The following PDS5A variants were observed in gnomAD, a reference collection of about 807,000 sequenced individuals.
The protein encoded by PDS5A is sister chromatid cohesion protein PDS5 homolog A.
PDS5A carries 42 observed loss-of-function variants against 167.1 expected under a neutral mutation model. The observed-to-expected ratio is 0.25, with a 90% CI of 0.20 to 0.33. The LOEUF (loss-of-function observed/expected upper bound fraction) is 0.33. Among genes scored for constraint, PDS5A ranks in the 10% least tolerant of loss-of-function variants. PDS5A has a pLI of 1.00. For missense variants in PDS5A, 1,033 were observed against 1,605.9 expected (o/e 0.64, Z 6.10); for synonymous variants, 553 against 554.6 (o/e 1.00, Z 0.04).
chr4:39,882,907 G>A (rs1362899388), intron 17 of PDS5A, among the ~76,000 whole-genome samples: 1 of 152,086 alleles, frequency 6.6e-6, no homozygotes. Flanking sequence ...TACAACCACT[G>A]TTACAAATCT....
chr4:39,973,681 G>C (rs1249186439), intron 2 of PDS5A: 2 of 1,293,688 alleles, frequency 1.5e-6, no homozygotes, highest in East Asian at 4.6e-5. Context: ...TGTAGCTTTA[G>C]CTCAGCGCAA....
At chr4:39,861,763 G>A (rs899321560) in intron 26 of PDS5A, among the ~76,000 whole-genome samples, 1 of 152,028 alleles carries the variant, frequency 6.6e-6, no homozygotes, top group South Asian at 2.1e-4. Flanking sequence ...AAAATATTAC[G>A]TGTACCTCAT....
chr4:39,895,199 CAAAAAAAAAAAAA>C (rs34303340), intron 16 of PDS5A, among the ~76,000 whole-genome samples: 2 of 93,428 alleles, frequency 2.1e-5, no homozygotes, highest in African/African-American at 3.9e-5. Flanking sequence ...GACTCCGTCT[CAAAAAAAAAAAAA>C]AAAAAAAAAA....
At chr4:39,922,587 A>G (rs1383341011) in intron 6 of PDS5A, 35 bp downstream of exon 6, 1 of 1,485,008 alleles carries the variant, frequency 6.7e-7, no homozygotes, top group East Asian at 2.3e-5. Context: ...GTGACTGTTA[A>G]ACATTAACCT....
chr4:39,834,085 C>T (rs140083002), intron 32 of PDS5A, among the ~76,000 whole-genome samples: 200 of 151,872 alleles, frequency 1.3e-3, no homozygotes, highest in African/African-American at 4.5e-3. Flanking sequence ...GGCACAGTGG[C>T]GCGTGCCTGT....
intron 9 of PDS5A, among the ~76,000 whole-genome samples, chr4:39,911,326 G>A (rs2109683931): frequency 6.6e-6 from 1 of 151,590 alleles, no homozygotes; most frequent in Admixed American, 6.6e-5. Context: ...AACCCGCCAG[G>A]CAGAGGTTGC....
At chr4:39,843,877 G>A (rs931399079) in intron 30 of PDS5A, among the ~76,000 whole-genome samples, 1 of 152,040 alleles carries the variant, frequency 6.6e-6, no homozygotes, top group Admixed American at 6.6e-5. Context: ...AGGTGCAGTG[G>A]TTTGCGCCTG....
intron 17 of PDS5A, among the ~76,000 whole-genome samples, chr4:39,884,846 T>G (rs1721269941): frequency 6.6e-6 from 1 of 152,218 alleles, no homozygotes; most frequent in Admixed American, 6.5e-5. Flanking sequence ...CTACTTCATT[T>G]TCATCTACTT....
chr4:39,911,274 T>C lies in PDS5A; in HGVS notation c.993-936A>G, dbSNP rs1185486250. Among the ~76,000 whole-genome samples, 7 of 152,090 alleles carry C rather than the reference T, an allele frequency of 4.6e-5. No homozygotes were observed. In the East Asian group the frequency reaches 1.2e-3, roughly 25 times the overall value. On this transcript the variant is annotated intron_variant, in intron 9 of 32. Coordinates refer to ENST00000303538, the MANE Select transcript of PDS5A (RefSeq NM_001100399.2). ...GCTCAGGCATGGTGGTGGGTGCCTG[T>C]AATACCAGCTACTCAGGAGGCCGAG...
chr4:39,881,827 C>T (rs1478021189), intron 17 of PDS5A, among the ~76,000 whole-genome samples: 1 of 152,208 alleles, frequency 6.6e-6, no homozygotes, highest in African/African-American at 2.4e-5. Flanking sequence ...TCAAATCTCA[C>T]TTTGAACTGT....
intron 16 of PDS5A, chr4:39,897,866 G>GAA (rs746347132): frequency 1.6e-3 from 239 of 151,420 alleles, no homozygotes; most frequent in Middle Eastern, 3.2e-3. Flanking sequence ...ACTATCTCAG[G>GAA]AAAAAAAAAA....
intron 23 of PDS5A, among the ~76,000 whole-genome samples, chr4:39,864,932 C>T (rs1719300949): frequency 6.6e-6 from 1 of 152,080 alleles, no homozygotes; most frequent in Admixed American, 6.5e-5. Context: ...GAAAATAATG[C>T]TGGAGGAACA....
chr4:39,899,852 A>T (rs972992230), intron 14 of PDS5A, among the ~76,000 whole-genome samples: 26 of 31,054 alleles, frequency 8.4e-4, no homozygotes, highest in Non-Finnish European at 1.4e-3. Flanking sequence ...CCTGTGTATT[A>T]AAAAAAAAAA....
intron 2 of PDS5A, among the ~76,000 whole-genome samples, chr4:39,956,803 G>T (rs542783854): frequency 2.0e-5 from 3 of 151,902 alleles, no homozygotes; most frequent in Admixed American, 6.6e-5. Context: ...CTCCAGAGTG[G>T]GCAGGACTAT....
intron 25 of PDS5A, 23 bp downstream of exon 25, chr4:39,862,846 A>G: frequency 6.9e-7 from 1 of 1,448,630 alleles, no homozygotes; most frequent in Non-Finnish European, 9.6e-7. Context: ...ATATTTGCAC[A>G]CGGAGAACTC....
intron 17 of PDS5A, 113 bp downstream of exon 17, chr4:39,890,136 A>T: frequency 1.7e-6 from 1 of 594,558 alleles, no homozygotes; most frequent in East Asian, 2.8e-5. Flanking sequence ...CCCTGTGATT[A>T]AAAAGAGACA....
rs1428333658 is a variant in PDS5A, at chr4:39,885,816, G to C, written c.1886+4433C>G. ...AACACCCTCACAAAATTAGCCAGTT[G>C]TGGTGGCATGTGCCTATGGTCCCAT... is the stretch of plus-strand genomic sequence containing the variant. On this transcript the variant is annotated intron_variant, in intron 17 of 32. Coordinates refer to ENST00000303538, the MANE Select transcript of PDS5A (RefSeq NM_001100399.2). Among the ~76,000 whole-genome samples, 3 of 151,964 alleles carry C rather than the reference G, an allele frequency of 2.0e-5. No homozygotes were observed. The East Asian group carries it at 5.8e-4, about 29-fold the overall frequency.
At chr4:39,973,067 C>A in intron 2 of PDS5A, 1 of 682,450 alleles carries the variant, frequency 1.5e-6, no homozygotes, top group South Asian at 1.7e-5. Flanking sequence ...TTAAGTTTTT[C>A]GATGTTTAGA....
intron 7 of PDS5A, among the ~76,000 whole-genome samples, chr4:39,919,685 TATAA>T (rs1724736576): frequency 6.6e-6 from 1 of 152,142 alleles, no homozygotes; most frequent in Non-Finnish European, 1.5e-5. Context: ...GGAAAATAGT[TATAA>T]ATATGAGCAA....
Sources: allele counts gnomAD v4.1 joint callset (sites outside exome capture counted in the v4.1 genomes callset), GRCh38; gene constraint gnomAD v4.1.1; transcripts MANE v1.5; gene names NCBI Gene and HGNC (gene_info 2026-07-23, HGNC 2026-07-21).